The following CDH4 variants were observed in gnomAD, a reference collection of about 807,000 sequenced individuals.
The protein encoded by CDH4 is cadherin-4.
CDH4 carries 33 observed loss-of-function variants against 86.0 expected under a neutral mutation model. The ratio of observed to expected loss-of-function variants is 0.38; its 90% CI spans 0.29 to 0.51. CDH4 has a LOEUF of 0.51. CDH4 is among the 20% of genes least tolerant of loss of function. The pLI, the probability that CDH4 is intolerant of heterozygous loss-of-function variation, is 0.86. For missense variants in CDH4, 1,114 were observed against 1,307.4 expected (o/e 0.85, Z 2.28); for synonymous variants, 555 against 549.4 (o/e 1.01, Z -0.14).
At position 61,933,107 on chromosome 20, in the gene CDH4, G is replaced by A. The variant is rs368226065; in HGVS notation, c.2362G>A (p.Gly788Ser). 11 of 1,612,832 alleles carry A rather than the reference G, an allele frequency of 6.8e-6. No homozygotes were observed. The highest frequency in any genetic ancestry group is 2.2e-5 in the East Asian group (1 of 44,888). The change falls in exon 14 of 16, where the codon GGT becomes AGT. Residue 788 changes from glycine (G) to serine (S), a missense_variant. Transcript: ENST00000614565. ...CATCCTCAAGTATGACGAGGAAGGC[G>A]GTGGCGAGGAGGACCAGGTGAGACT... ...DNILKYDEEGGGEEDQDYDLS... is the reference protein window; with the variant it reads ...DNILKYDEEGSGEEDQDYDLS...
intron 4 of CDH4, among the ~76,000 whole-genome samples, chr20:61,816,288 G>A (rs1242494434): frequency 2.0e-5 from 3 of 152,198 alleles, no homozygotes. Context: ...CACACAGCAA[G>A]ATTAAAGAGT....
In CDH4 at chr20:61,923,465, G is replaced by A. The variant is rs2055007218; in HGVS notation, c.1389G>A (p.Glu463=). The part of the protein sequence containing the change: ...MVTVVKAVDY[E]LNRAFMLTVM... ...TGTTGTTCCAGGCAGTCGACTACGA[G>A]CTCAACAGAGCTTTCATGCTGACAG... The change falls in exon 10 of 16, where the codon GAG becomes GAA. Residue 463 remains glutamate (E), a synonymous_variant. Coordinates refer to ENST00000614565, the MANE Select transcript of CDH4 (RefSeq NM_001794.5). The A allele has an allele frequency of 1.2e-6, 2 of 1,614,024 alleles. No homozygotes were observed. Among genetic ancestry groups the A allele is most frequent in the Non-Finnish European group, 8.5e-7 (1 of 1,180,034 alleles).
intron 2 of CDH4, among the ~76,000 whole-genome samples, chr20:61,525,857 G>C (rs928554192): frequency 2.6e-5 from 4 of 152,108 alleles, no homozygotes; most frequent in African/African-American, 9.7e-5. Context: ...GCCGGGCACC[G>C]TAAGTCCTGC....
intron 6 of CDH4, 41 bp downstream of exon 6, chr20:61,852,939 T>C: frequency 6.2e-7 from 1 of 1,607,558 alleles, no homozygotes; most frequent in Non-Finnish European, 8.5e-7. Context: ...CCCTGTGGGC[T>C]CTGCGGGTGC....
At chr20:61,853,130 C>T (rs1982816674) in intron 6 of CDH4, among the ~76,000 whole-genome samples, 2 of 152,296 alleles carry the variant, frequency 1.3e-5, no homozygotes, top group African/African-American at 2.4e-5. Context: ...ACAGCAGGGC[C>T]AACGGGCTGG....
At chr20:61,728,174 G>A (rs1166446580) in intron 2 of CDH4, among the ~76,000 whole-genome samples, 1 of 152,180 alleles carries the variant, frequency 6.6e-6, no homozygotes, top group East Asian at 1.9e-4. Context: ...TGGCCTCTCT[G>A]CTTTCCAAGG....
chr20:61,271,742 G>C (rs1294123295), intron 2 of CDH4, among the ~76,000 whole-genome samples: 2 of 152,204 alleles, frequency 1.3e-5, no homozygotes, highest in African/African-American at 4.8e-5. Context: ...AGTGAGAGAA[G>C]GTGCCCCTCA....
intron 6 of CDH4, 70 bp downstream of exon 6, chr20:61,852,968 A>G: frequency 6.6e-7 from 1 of 1,513,180 alleles, no homozygotes; most frequent in Non-Finnish European, 9.0e-7. Context: ...CCCTGAGGGC[A>G]GGGGAGGGCT....
At chr20:61,803,910 G>A (rs542721023) in intron 4 of CDH4, among the ~76,000 whole-genome samples, 4 of 152,392 alleles carry the variant, frequency 2.6e-5, no homozygotes, top group South Asian at 4.1e-4. Context: ...GCCGGCCCCC[G>A]CTGCGTCTGC....
chr20:61,751,276 C>A (rs570779923), intron 3 of CDH4, among the ~76,000 whole-genome samples: 8 of 152,282 alleles, frequency 5.3e-5, no homozygotes, highest in African/African-American at 1.7e-4. Context: ...AGGTAAAGCC[C>A]CATAACCTCC....
intron 2 of CDH4, among the ~76,000 whole-genome samples, chr20:61,352,984 G>T (rs1266082357): frequency 6.6e-6 from 1 of 152,058 alleles, no homozygotes; most frequent in Non-Finnish European, 1.5e-5. Context: ...GGACCAAGGG[G>T]CCCCTGGGGC....
intron 2 of CDH4, among the ~76,000 whole-genome samples, chr20:61,704,717 T>G (rs2087811415): frequency 6.6e-6 from 1 of 152,144 alleles, no homozygotes; most frequent in African/African-American, 2.4e-5. Flanking sequence ...CTCTACGGTG[T>G]CAGCCGGGAT....
intron 2 of CDH4, among the ~76,000 whole-genome samples, chr20:61,669,173 C>T (rs954366309): frequency 3.3e-5 from 5 of 152,242 alleles, no homozygotes; most frequent in African/African-American, 1.2e-4. Context: ...CTGTGAAGGG[C>T]ATTCAGAGCA....
At chr20:61,726,531 C>T (rs1307090009) in intron 2 of CDH4, among the ~76,000 whole-genome samples, 3 of 152,224 alleles carry the variant, frequency 2.0e-5, no homozygotes, top group African/African-American at 7.2e-5. Flanking sequence ...TGGTACATTC[C>T]CAGGCATGTG....
intron 2 of CDH4, among the ~76,000 whole-genome samples, chr20:61,660,005 G>A (rs998651975): frequency 1.6e-4 from 25 of 152,190 alleles, no homozygotes; most frequent in African/African-American, 6.0e-4. Context: ...GCTGAGCAGG[G>A]TTCTGGACTC....
chr20:61,398,026 C>T (rs2085028789), intron 2 of CDH4, among the ~76,000 whole-genome samples: 1 of 152,192 alleles, frequency 6.6e-6, no homozygotes, highest in African/African-American at 2.4e-5. Context: ...ACATGGCAAG[C>T]TTCACCTGCG....
At chr20:61,506,608 C>T (rs2085743031) in intron 2 of CDH4, among the ~76,000 whole-genome samples, 1 of 152,198 alleles carries the variant, frequency 6.6e-6, no homozygotes, top group Admixed American at 6.5e-5. Flanking sequence ...TGGATATTTA[C>T]ATGGTACCTA....
chr20:61,432,493 C>G (rs2085253497), intron 2 of CDH4, among the ~76,000 whole-genome samples: 1 of 151,986 alleles, frequency 6.6e-6, no homozygotes, highest in African/African-American at 2.4e-5. Flanking sequence ...ATATCTTCTT[C>G]TTGTTGGGTT....
At chr20:61,303,956 G>A (rs562656938) in intron 2 of CDH4, among the ~76,000 whole-genome samples, 3 of 152,280 alleles carry the variant, frequency 2.0e-5, no homozygotes, top group South Asian at 2.1e-4. Context: ...ACTTCGGAAC[G>A]GAGTTGACCT....
Sources: allele counts gnomAD v4.1 joint callset (sites outside exome capture counted in the v4.1 genomes callset), GRCh38; gene constraint gnomAD v4.1.1; transcripts MANE v1.5; gene names NCBI Gene and HGNC (gene_info 2026-07-23, HGNC 2026-07-21).